Variants in CMIP observed in about 807,000 individuals in gnomAD.
The protein encoded by CMIP is c-Maf inducing protein.
In CMIP, 13 loss-of-function variants were observed where a neutral mutation model predicts 97.3. The observed-to-expected ratio is 0.13, with a 90% CI of 0.09 to 0.21. The LOEUF (loss-of-function observed/expected upper bound fraction) is 0.21. Ranked by LOEUF, CMIP falls within the 10% of genes least tolerant of loss-of-function variation. The probability of loss-of-function intolerance (pLI) is 1.00; values close to 1 mark genes in which losing one functional copy is unlikely to be tolerated. For missense variants in CMIP, 847 were observed against 1,024.9 expected (o/e 0.83, Z 2.37); for synonymous variants, 538 against 436.3 (o/e 1.23, Z -2.91).
chr16:81,664,386 C>G (rs1226341375), intron 7 of CMIP, 37 bp downstream of exon 7: 54 of 1,561,202 alleles, frequency 3.5e-5, no homozygotes, highest in African/African-American at 8.2e-5. Context: ...ACCCCAGCGC[C>G]CAGAACATGA....
In CMIP at chr16:81,653,340, G is replaced by C. The variant is rs577893769; in HGVS notation, c.639+976G>C. ...TGCAGGCCCACACTGGCCGCTGCCC[G>C]TGGGACGGGGCCTGGCACCGGCCCT... On this transcript the variant is annotated intron_variant, in intron 4 of 20. Coordinates refer to ENST00000537098, the MANE Select transcript of CMIP (RefSeq NM_198390.3). 6.6e-5 allele frequency among the ~76,000 whole-genome samples: 10 copies of C among 152,308 alleles called. No individual in the cohort carries two copies. The East Asian group carries it at 1.7e-3, about 26-fold the overall frequency.
chr16:81,568,252 C>A (rs1196264402), intron 1 of CMIP, among the ~76,000 whole-genome samples: 3 of 152,116 alleles, frequency 2.0e-5, no homozygotes, highest in Non-Finnish European at 4.4e-5. Context: ...CTGGCCTCAC[C>A]CTTGGCTCTG....
At chr16:81,469,614 C>CAGGCTTTGGAGTCAGGTGAT (rs1567531206) in intron 1 of CMIP, among the ~76,000 whole-genome samples, 4 of 152,106 alleles carry the variant, frequency 2.6e-5, no homozygotes, top group Non-Finnish European at 5.9e-5. Context: ...GGGCAGGTGA[C>CAGGCTTTGGAGTCAGGTGAT]GTCAGGCTTT....
At chr16:81,677,794 G>A (rs910235604) in intron 9 of CMIP, among the ~76,000 whole-genome samples, 1 of 152,232 alleles carries the variant, frequency 6.6e-6, no homozygotes, top group African/African-American at 2.4e-5. Flanking sequence ...GGCTGGGTTT[G>A]GGGGCAGGAG....
At chr16:81,626,973 G>C (rs2092080685) in intron 3 of CMIP, among the ~76,000 whole-genome samples, 1 of 146,550 alleles carries the variant, frequency 6.8e-6, no homozygotes. Flanking sequence ...GTGGCATATG[G>C]GGCGACTATT....
chr16:81,507,116 C>T (rs1021692894), intron 1 of CMIP, among the ~76,000 whole-genome samples: 6 of 149,784 alleles, frequency 4.0e-5, no homozygotes, highest in Admixed American at 6.7e-5. Flanking sequence ...ATTAGCTGGG[C>T]GTGGTGGCGG....
At chr16:81,497,175 G>A (rs2089506945) in intron 1 of CMIP, among the ~76,000 whole-genome samples, 1 of 152,210 alleles carries the variant, frequency 6.6e-6, no homozygotes, top group Non-Finnish European at 1.5e-5. Context: ...GCATAGCCCG[G>A]GGGACTCAGT....
intron 1 of CMIP, among the ~76,000 whole-genome samples, chr16:81,540,403 A>G (rs2090426075): frequency 6.6e-6 from 1 of 152,146 alleles, no homozygotes; most frequent in South Asian, 2.1e-4. Context: ...CCCAGGCTCA[A>G]GTGATTCTCC....
At chr16:81,485,067 C>T (rs1014179721) in intron 1 of CMIP, among the ~76,000 whole-genome samples, 1 of 152,148 alleles carries the variant, frequency 6.6e-6, no homozygotes, top group Non-Finnish European at 1.5e-5. Context: ...CCTGACTCCA[C>T]CCCCAGAGGT....
intron 1 of CMIP, among the ~76,000 whole-genome samples, chr16:81,470,655 G>C (rs944021406): frequency 6.6e-6 from 1 of 152,218 alleles, no homozygotes; most frequent in Non-Finnish European, 1.5e-5. Context: ...ATGAGATCTT[G>C]CTGTGTTTCC....
chr16:81,660,407 G>A (rs2092532111), intron 5 of CMIP, among the ~76,000 whole-genome samples: 1 of 151,838 alleles, frequency 6.6e-6, no homozygotes, highest in African/African-American at 2.4e-5. Flanking sequence ...CGAGTAGCTG[G>A]GATTACAGGG....
chr16:81,504,785 G>A (rs2089678247), intron 1 of CMIP, among the ~76,000 whole-genome samples: 1 of 152,118 alleles, frequency 6.6e-6, no homozygotes, highest in Non-Finnish European at 1.5e-5. Flanking sequence ...CTTGTTACCA[G>A]CCTCTAGGGA....
At chr16:81,557,601 G>A (rs1206470832) in intron 1 of CMIP, among the ~76,000 whole-genome samples, 1 of 152,070 alleles carries the variant, frequency 6.6e-6, no homozygotes, top group Non-Finnish European at 1.5e-5. Context: ...GTGAGACCTC[G>A]TTTCTACAGA....
At chr16:81,466,330 G>A (rs1907204482) in intron 1 of CMIP, among the ~76,000 whole-genome samples, 1 of 152,066 alleles carries the variant, frequency 6.6e-6, no homozygotes, top group South Asian at 2.1e-4. Flanking sequence ...CAAAGTGTTG[G>A]GATTACAGGC....
chr16:81,606,014 C>T lies in CMIP; in HGVS notation c.301-1553C>T, dbSNP rs929903853. Among the ~76,000 whole-genome samples the T allele has an allele frequency of 1.3e-5, 2 of 152,252 alleles. 1 individual carries two copies. The highest frequency in any genetic ancestry group is 2.9e-5 in the Non-Finnish European group (2 of 68,054). ...GCCATCAACCCTCTCTACCTCCACC[C>T]CCATCACCATAACTCTCGTTTGGCA... is the stretch of plus-strand genomic sequence containing the variant. On this transcript the variant is annotated intron_variant, in intron 1 of 20. Coordinates refer to ENST00000537098, the MANE Select transcript of CMIP (RefSeq NM_198390.3).
rs574829395 is a variant in CMIP at position 81,603,149 on chromosome 16, G to A, written c.301-4418G>A. Among the ~76,000 whole-genome samples the A allele has an allele frequency of 3.3e-5, 5 of 152,186 alleles. No homozygotes were observed. In the South Asian group the frequency reaches 8.3e-4, roughly 25 times the overall value. On this transcript the variant is annotated intron_variant, in intron 1 of 20. Transcript: ENST00000537098. ...GGCTACAGTGCAGTGGCGCGATCTC[G>A]GCTCACTGCAAGCTTCACCTCCCGG... is the stretch of plus-strand genomic sequence containing the variant.
chr16:81,645,427 G>C, intron 3 of CMIP: 2 of 1,494,778 alleles, frequency 1.3e-6, no homozygotes, highest in Non-Finnish European at 1.8e-6. Context: ...TGCCTGGCGC[G>C]ACGTGCTTCC....
At chr16:81,581,452 G>T (rs906825187) in intron 1 of CMIP, among the ~76,000 whole-genome samples, 3 of 152,182 alleles carry the variant, frequency 2.0e-5, no homozygotes, top group Admixed American at 6.5e-5. Context: ...ACTGGTGGCA[G>T]TTGTAACATA....
At chr16:81,650,799 C>T (rs1385830530) in intron 3 of CMIP, among the ~76,000 whole-genome samples, 1 of 152,158 alleles carries the variant, frequency 6.6e-6, no homozygotes. Flanking sequence ...CGGTATTTTC[C>T]ATCCTGACTT....
Sources: allele counts gnomAD v4.1 joint callset (sites outside exome capture counted in the v4.1 genomes callset), GRCh38; gene constraint gnomAD v4.1.1; transcripts MANE v1.5; gene names NCBI Gene and HGNC (gene_info 2026-07-23, HGNC 2026-07-21).